Variants in EIF4G3 observed in about 807,000 individuals in gnomAD.
EIF4G3 encodes eIF-4-gamma 3.
In EIF4G3, 34 loss-of-function variants were observed where a neutral mutation model predicts 186.4. That is an observed-to-expected ratio of 0.18 (90% CI 0.14 to 0.24). The LOEUF (loss-of-function observed/expected upper bound fraction) is 0.24. EIF4G3 is among the 10% of genes least tolerant of loss of function. The probability of loss-of-function intolerance (pLI) is 1.00; values close to 1 mark genes in which losing one functional copy is unlikely to be tolerated. For synonymous variants in EIF4G3, 673 were observed against 679.5 expected, an observed-to-expected ratio of 0.99 and a Z score of 0.15; for missense variants, 1,536 against 1,948.5, an observed-to-expected ratio of 0.79 and a Z score of 3.99.
chr1:21,003,379 G>C (rs542540109), intron 4 of EIF4G3, among the ~76,000 whole-genome samples: 1 of 152,180 alleles, frequency 6.6e-6, no homozygotes, highest in South Asian at 2.1e-4. Flanking sequence ...ATCCTCTTGA[G>C]TAGCTGGGAC....
chr1:20,981,280 T>C (rs2077908372), intron 8 of EIF4G3, 53 bp from the exon 9 acceptor site: 3 of 1,205,498 alleles, frequency 2.5e-6, no homozygotes, highest in South Asian at 1.8e-5. Context: ...CAGGGGAATA[T>C]ATAAATTTTA....
rs1218873992 is a variant in EIF4G3 at position 21,176,270 on chromosome 1, TGCC to T, written c.-370_-368del. ...CCGCCGCCGCCGCCGCCGCCGCTGC[TGCC>T]GCCGCCGGGTGAGGAGGCGGTACCG... is the stretch of plus-strand genomic sequence containing the variant. On this transcript the variant is annotated 5_prime_UTR_variant, in exon 2 of 37. Transcript: ENST00000602326. 9.4e-6 allele frequency: 3 copies of T among 320,228 alleles called. No homozygotes were observed. Among genetic ancestry groups the T allele is most frequent in the Non-Finnish European group, 1.1e-5 (2 of 187,348 alleles). The allele number at this position is 320,228 out of a possible 1,614,324, so 19.8% of individuals were successfully genotyped here.
chr1:20,867,224 C>T (rs568014519), intron 20 of EIF4G3, among the ~76,000 whole-genome samples: 1 of 152,312 alleles, frequency 6.6e-6, no homozygotes, highest in East Asian at 1.9e-4. Context: ...CATGGAAGCA[C>T]TTTAATAAGC....
At chr1:20,876,281 A>G (rs2080795098) in intron 20 of EIF4G3, among the ~76,000 whole-genome samples, 1 of 150,488 alleles carries the variant, frequency 6.6e-6, no homozygotes, top group South Asian at 2.1e-4. Context: ...GCTCCAGAAT[A>G]CAAGGATAAA....
chr1:21,081,559 A>G (rs993961820), intron 3 of EIF4G3, among the ~76,000 whole-genome samples: 3 of 152,150 alleles, frequency 2.0e-5, no homozygotes, highest in Non-Finnish European at 4.4e-5. Context: ...GCAAACTTAC[A>G]AAAACCAGGT....
intron 2 of EIF4G3, among the ~76,000 whole-genome samples, chr1:21,130,216 CT>C (rs71014159): frequency 1.3e-3 from 99 of 75,344 alleles, no homozygotes; most frequent in African/African-American, 3.3e-3. Flanking sequence ...GACCCCATCT[CT>C]TTTTTTTTTT....
At position 21,009,905 on chromosome 1, in the gene EIF4G3, G is replaced by A. The variant is rs1242026997; in HGVS notation, c.-66-7097C>T. The stretch of plus-strand genomic sequence containing the variant: ...CCTGACCTTGTGATCTGCCCGCCTC[G>A]GCCTCCCAAAGTGCTGGGATTACAG... On this transcript the variant is annotated intron_variant, in intron 4 of 36. Transcript: ENST00000602326. 4.0e-5 allele frequency among the ~76,000 whole-genome samples: 6 copies of A among 151,236 alleles called. No individual in the cohort carries two copies. In the East Asian group the frequency reaches 5.9e-4, roughly 15 times the overall value.
At chr1:21,162,315 G>A (rs1359623595) in intron 2 of EIF4G3, among the ~76,000 whole-genome samples, 1 of 152,082 alleles carries the variant, frequency 6.6e-6, no homozygotes, top group Non-Finnish European at 1.5e-5. Context: ...CAGGTGTGGT[G>A]GTGGGTACCT....
intron 2 of EIF4G3, among the ~76,000 whole-genome samples, chr1:21,118,931 T>TAAAAAAAAAAAAAAAAAAAA (rs35040627): frequency 1.2e-5 from 1 of 86,170 alleles, no homozygotes; most frequent in Non-Finnish European, 2.2e-5. Flanking sequence ...CAAGCTCTAT[T>TAAAAAAAAAAAAAAAAAAAA]AAAAAAAAAA....
At chr1:21,053,378 GC>G (rs1190463186) in intron 3 of EIF4G3, among the ~76,000 whole-genome samples, 3 of 148,924 alleles carry the variant, frequency 2.0e-5, no homozygotes, top group Non-Finnish European at 4.5e-5. Flanking sequence ...GTGGGGGTCA[GC>G]CCCCCGCCCG....
At chr1:20,813,758 A>G (rs985620384) in intron 34 of EIF4G3, among the ~76,000 whole-genome samples, 1 of 151,594 alleles carries the variant, frequency 6.6e-6, no homozygotes, top group African/African-American at 2.4e-5. Context: ...AGGCAGGAGA[A>G]TCGTTTGAAC....
chr1:20,900,637 G>A (rs1572425993), intron 15 of EIF4G3, among the ~76,000 whole-genome samples: 2 of 152,024 alleles, frequency 1.3e-5, no homozygotes, highest in Non-Finnish European at 2.9e-5. Context: ...CCATCTTAGC[G>A]TCAGATATCA....
chr1:21,018,071 T>C (rs1450866053), intron 4 of EIF4G3, among the ~76,000 whole-genome samples: 1 of 151,774 alleles, frequency 6.6e-6, no homozygotes, highest in African/African-American at 2.4e-5. Flanking sequence ...CCCAAGTAGT[T>C]GTGACTACAG....
chr1:20,999,594 T>G, intron 6 of EIF4G3: 1 of 330,112 alleles, frequency 3.0e-6, no homozygotes, highest in Non-Finnish European at 5.9e-6. Flanking sequence ...GAGAATTTTC[T>G]ATGAACAAGA....
intron 33 of EIF4G3, among the ~76,000 whole-genome samples, chr1:20,821,292 C>T (rs985891803): frequency 2.0e-5 from 3 of 152,194 alleles, no homozygotes; most frequent in Non-Finnish European, 4.4e-5. Context: ...TTCAACCTGG[C>T]ACCAGCAAGC....
intron 4 of EIF4G3, among the ~76,000 whole-genome samples, chr1:21,022,122 G>A (rs947816928): frequency 6.6e-6 from 1 of 152,092 alleles, no homozygotes; most frequent in Non-Finnish European, 1.5e-5. Context: ...ATCTAAAATG[G>A]TACAGAATTA....
chr1:21,030,914 G>T (rs138484808), intron 4 of EIF4G3, among the ~76,000 whole-genome samples: 1 of 152,162 alleles, frequency 6.6e-6, no homozygotes, highest in Admixed American at 6.5e-5. Flanking sequence ...AGCCGGGTGT[G>T]GTGGCTCATG....
At chr1:21,021,089 T>A (rs2090566493) in intron 4 of EIF4G3, among the ~76,000 whole-genome samples, 2 of 152,174 alleles carry the variant, frequency 1.3e-5, no homozygotes, top group Admixed American at 6.5e-5. Flanking sequence ...GTTCAAGCCA[T>A]CCTCATACTT....
intron 14 of EIF4G3, among the ~76,000 whole-genome samples, chr1:20,911,313 ATCCCAAC>A (rs1469443588): frequency 1.3e-5 from 2 of 152,100 alleles, no homozygotes; most frequent in African/African-American, 4.8e-5. Context: ...CATGCCTGTA[ATCCCAAC>A]ACTTTTGGAG....
Sources: gnomAD v4.1 joint callset for allele counts (sites outside exome capture counted in the v4.1 genomes callset) on GRCh38, gnomAD v4.1.1 for gene constraint, MANE v1.5 for transcripts, NCBI Gene and HGNC (gene_info 2026-07-23, HGNC 2026-07-21) for gene names.